WWP1: variants seen among roughly 807,000 people sequenced by gnomAD.
WWP1 encodes WW domain containing E3 ubiquitin protein ligase 1, also known as NEDD4-like E3 ubiquitin-protein ligase WWP1.
Under a neutral mutation model 130.6 loss-of-function variants are expected in WWP1, and 49 were observed. The ratio of observed to expected loss-of-function variants is 0.38; its 90% CI spans 0.30 to 0.48. WWP1 has a LOEUF of 0.48. Among genes scored for constraint, WWP1 ranks in the 20% least tolerant of loss-of-function variants. The pLI, the probability that WWP1 is intolerant of heterozygous loss-of-function variation, is 0.99. For synonymous variants in WWP1, 332 were observed against 367.8 expected (o/e 0.90, Z 1.11); for missense variants, 809 against 1,100.6 (o/e 0.74, Z 3.75).
intron 21 of WWP1, among the ~76,000 whole-genome samples, chr8:86,454,903 A>G (rs1811357221): frequency 6.6e-6 from 1 of 152,042 alleles, no homozygotes; most frequent in Admixed American, 6.6e-5. Context: ...TAAGAGTGCT[A>G]ATCAATTAAG....
intron 5 of WWP1, among the ~76,000 whole-genome samples, chr8:86,395,672 G>A (rs927884146): frequency 2.6e-5 from 4 of 152,102 alleles, no homozygotes; most frequent in East Asian, 1.9e-4. Context: ...AGTGAAATGC[G>A]TAATACCAAA....
intron 10 of WWP1, among the ~76,000 whole-genome samples, chr8:86,426,340 GA>G (rs2130651763): frequency 6.6e-6 from 1 of 152,266 alleles, no homozygotes; most frequent in African/African-American, 2.4e-5. Flanking sequence ...TTCTCTTTGT[GA>G]CCCCATTGTA....
chr8:86,440,835 A>G (rs1009320685), intron 17 of WWP1: 4 of 343,484 alleles, frequency 1.2e-5, no homozygotes, highest in Non-Finnish European at 2.3e-5. Context: ...TCTCAAGCCT[A>G]TCCTCATGTC....
intron 8 of WWP1, among the ~76,000 whole-genome samples, chr8:86,403,593 A>T (rs185075927): frequency 8.8e-4 from 134 of 152,226 alleles, no homozygotes; most frequent in Non-Finnish European, 1.7e-3. Context: ...CCGTGCCTGG[A>T]CAGTAATAAG....
chr8:86,438,105 A>G (rs892502732), intron 16 of WWP1, among the ~76,000 whole-genome samples: 1 of 152,188 alleles, frequency 6.6e-6, no homozygotes, highest in Non-Finnish European at 1.5e-5. Context: ...CGGCCTGTAT[A>G]CTGTATTCTT....
rs1823488981 is a variant in WWP1 at position 86,360,055 on chromosome 8, AAAAAAC to A, written c.-114-8878_-114-8873del. Among the ~76,000 whole-genome samples the A allele has an allele frequency of 3.7e-5, 4 of 109,194 alleles. No homozygotes were observed. In the South Asian group the frequency reaches 1.2e-3, roughly 32 times the overall value. 71.6% of individuals were successfully genotyped at this position (109,194 alleles called of 152,430 possible). A position where few individuals can be genotyped will look rare whatever the true frequency, so the allele number is the denominator to read the frequency against. On this transcript the variant is annotated intron_variant, in intron 1 of 24. Transcript: ENST00000517970. Reference sequence around the variant, plus strand: ...CAGAGTGAGACTCCCTCTCAAAAACAAAAAACAAAAAACAAAAAAAAAACACAATCC... The same window carrying A: ...CAGAGTGAGACTCCCTCTCAAAAACAAAAAAACAAAAAAAAAACACAATCC...
At chr8:86,393,406 C>G (rs1191407661) in intron 5 of WWP1, among the ~76,000 whole-genome samples, 1 of 151,978 alleles carries the variant, frequency 6.6e-6, no homozygotes, top group African/African-American at 2.4e-5. Context: ...TGCCACCATG[C>G]CTGGCTAATT....
At chr8:86,368,434 A>G (rs1462008489) in intron 1 of WWP1, among the ~76,000 whole-genome samples, 1 of 151,406 alleles carries the variant, frequency 6.6e-6, no homozygotes, top group Admixed American at 6.6e-5. Flanking sequence ...CAGCCATCCT[A>G]TAGTCATCTG....
intron 8 of WWP1, among the ~76,000 whole-genome samples, chr8:86,407,854 TG>T (rs1384818321): frequency 1.3e-5 from 2 of 152,166 alleles, no homozygotes; most frequent in East Asian, 1.9e-4. Flanking sequence ...TGCATTACTG[TG>T]ATGTTTGTTA....
intron 1 of WWP1, among the ~76,000 whole-genome samples, chr8:86,361,659 T>C (rs1210231955): frequency 6.6e-6 from 1 of 152,090 alleles, no homozygotes; most frequent in Non-Finnish European, 1.5e-5. Context: ...AAGCATGTCT[T>C]TCCTTTCCAC....
intron 3 of WWP1, among the ~76,000 whole-genome samples, chr8:86,377,458 G>A (rs933132205): frequency 6.6e-6 from 1 of 151,774 alleles, no homozygotes; most frequent in Admixed American, 6.6e-5. Context: ...ATTGCAGTCT[G>A]GCTGTTTATT....
chr8:86,407,150 T>C (rs1217359909), intron 8 of WWP1, among the ~76,000 whole-genome samples: 1 of 152,208 alleles, frequency 6.6e-6, no homozygotes, highest in East Asian at 1.9e-4. Context: ...TTGCATAAGC[T>C]TCTGCTATCA....
chr8:86,430,958 A>G (rs1196551871), intron 12 of WWP1, among the ~76,000 whole-genome samples: 1 of 140,138 alleles, frequency 7.1e-6, no homozygotes, highest in African/African-American at 2.6e-5. Context: ...GTAGAATGTT[A>G]TATATTCTGT....
At chr8:86,384,535 A>G (rs1480550944) in intron 5 of WWP1, among the ~76,000 whole-genome samples, 4 of 152,222 alleles carry the variant, frequency 2.6e-5, no homozygotes, top group African/African-American at 9.6e-5. Context: ...TATAAAATTA[A>G]TAAGGTTCAA....
At position 86,430,734 on chromosome 8, in the gene WWP1, CT is replaced by C; in HGVS notation, c.1373del (p.Leu458CysfsTer18). 1 of 1,568,068 alleles carries C rather than the reference CT, an allele frequency of 6.4e-7. No individual in the cohort carries two copies. Among genetic ancestry groups the C allele is most frequent in the South Asian group, 1.2e-5 (1 of 86,514 alleles). On this transcript the variant is annotated frameshift_variant, in exon 12 of 25. Transcript: ENST00000517970. LOFTEE classifies it high-confidence loss of function. ...GCTGCAGAAAATGACCCTTATGGAC[CT>C]TTGCCACCAGGCTGGGGTAAGCTGT... ...MLAAENDPYG[P>X]LPPGWEKRVD...
rs78782569 is a variant in WWP1, at chr8:86,422,703, C to G, written c.1062-2520C>G. 8.9e-4 allele frequency among the ~76,000 whole-genome samples: 136 copies of G among 152,072 alleles called. No individual in the cohort carries two copies. The East Asian group carries it at 0.022, about 24-fold the overall frequency. The stretch of plus-strand genomic sequence containing the variant: ...GTTTTTATTTTTAAAAATTATTCTT[C>G]TTTACCATATTAAGAAGACTAAAGA... On this transcript the variant is annotated intron_variant, in intron 9 of 24. Coordinates refer to ENST00000517970, the MANE Select transcript of WWP1 (RefSeq NM_007013.4).
At position 86,468,087 on chromosome 8, in the gene WWP1, GCTA is replaced by G. The variant is rs1812270203; in HGVS notation, c.*1197_*1199del. On this transcript the variant is annotated 3_prime_UTR_variant, in exon 25 of 25. Coordinates refer to ENST00000517970, the MANE Select transcript of WWP1 (RefSeq NM_007013.4). Reference sequence around the variant, plus strand: ...AAAATCTGATGTGAATGATATTAATGCTACTTTTAGCAAACTGGGCTTCCTAAT... The same window carrying G: ...AAAATCTGATGTGAATGATATTAATGCTTTTAGCAAACTGGGCTTCCTAAT... The G allele has an allele frequency of 5.8e-6, 1 of 172,776 alleles. No homozygotes were observed. Among genetic ancestry groups the G allele is most frequent in the South Asian group, 1.3e-4 (1 of 7,774 alleles). The allele number at this position is 172,776 out of a possible 1,614,324, so 10.7% of individuals were successfully genotyped here. A position where few individuals can be genotyped will look rare whatever the true frequency, so the allele number is the denominator to read the frequency against.
chr8:86,462,140 C>T (rs778680308), intron 24 of WWP1, among the ~76,000 whole-genome samples: 15 of 152,118 alleles, frequency 9.9e-5, no homozygotes, highest in Middle Eastern at 3.4e-3. Flanking sequence ...CATGGTGGGG[C>T]ACAAATGACA....
intron 24 of WWP1, among the ~76,000 whole-genome samples, chr8:86,463,824 G>A (rs113237462): frequency 0.054 from 8,220 of 152,078 alleles, 375 homozygotes; most frequent in African/African-American, 0.12. Context: ...ACTTTGGAAG[G>A]CCGAGGTGGG....
Sources: gnomAD v4.1 joint callset for allele counts (sites outside exome capture counted in the v4.1 genomes callset) on GRCh38, gnomAD v4.1.1 for gene constraint, MANE v1.5 for transcripts, NCBI Gene and HGNC (gene_info 2026-07-23, HGNC 2026-07-21) for gene names.